The following CCNT2 variants were observed in gnomAD, a reference collection of about 807,000 sequenced individuals.
CCNT2 encodes the protein cyclin T2, also known as cyclin-T2.
A neutral mutation model predicts 70.0 loss-of-function variants in CCNT2; 18 were observed. That is an observed-to-expected ratio of 0.26 (90% CI 0.18 to 0.38). The LOEUF (loss-of-function observed/expected upper bound fraction) is 0.38, where lower values mean the gene tolerates loss of function less well. Ranked by LOEUF, CCNT2 falls within the 10% of genes least tolerant of loss-of-function variation. The pLI, the probability that CCNT2 is intolerant of heterozygous loss-of-function variation, is 1.00. For synonymous variants in CCNT2, 334 were observed against 313.3 expected, an observed-to-expected ratio of 1.07 and a Z score of -0.70; for missense variants, 734 against 890.2, an observed-to-expected ratio of 0.82 and a Z score of 2.23.
chr2:134,925,859 C>CTTTTTTTT (rs3041372), intron 2 of CCNT2, among the ~76,000 whole-genome samples: 7 of 85,258 alleles, frequency 8.2e-5, no homozygotes, highest in Non-Finnish European at 1.3e-4. Flanking sequence ...GGATAGCTGC[C>CTTTTTTTT]TTTTTTTTTT....
At chr2:134,942,473 G>C in intron 4 of CCNT2, 139 bp from the exon 5 acceptor site, 1 of 435,770 alleles carries the variant, frequency 2.3e-6, no homozygotes, top group Non-Finnish European at 4.0e-6. Flanking sequence ...CATTGGAAAA[G>C]TAATGAGAAT....
intron 2 of CCNT2, among the ~76,000 whole-genome samples, chr2:134,925,044 C>CT (rs1425211852): frequency 6.6e-6 from 1 of 152,162 alleles, no homozygotes; most frequent in Non-Finnish European, 1.5e-5. Context: ...GATCCAGAAA[C>CT]TTAATCAGAC....
At position 134,958,503 on chromosome 2, in the gene CCNT2, T is replaced by C. The variant is rs1240725814; in HGVS notation, c.*3855T>C. The C allele has an allele frequency of 6.6e-6, 1 of 152,136 alleles. No individual in the cohort carries two copies. Among genetic ancestry groups the C allele is most frequent in the African/African-American group, 2.4e-5 (1 of 41,426 alleles). 9.4% of individuals were successfully genotyped at this position (152,136 alleles called of 1,614,324 possible). A position where few individuals can be genotyped will look rare whatever the true frequency, so the allele number is the denominator to read the frequency against. ...TCTCATGTGCCCTAAGATGGACTTATTTAGATAGGGATTTTTGCATTGGAA... is the reference window on the plus strand; with the variant it reads ...TCTCATGTGCCCTAAGATGGACTTACTTAGATAGGGATTTTTGCATTGGAA... On this transcript the variant is annotated 3_prime_UTR_variant, in exon 9 of 9. Transcript: ENST00000264157.
intron 6 of CCNT2, among the ~76,000 whole-genome samples, chr2:134,947,069 G>A (rs1682034948): frequency 6.6e-6 from 1 of 152,196 alleles, no homozygotes; most frequent in Non-Finnish European, 1.5e-5. Flanking sequence ...GATTAGAAAA[G>A]GCTAGCTGTG....
chr2:134,928,774 C>T (rs550231759), intron 2 of CCNT2, among the ~76,000 whole-genome samples: 4 of 151,422 alleles, frequency 2.6e-5, no homozygotes, highest in South Asian at 2.1e-4. Flanking sequence ...GGCCAAAAAT[C>T]GGAAGATAAT....
At chr2:134,919,671 G>A (rs1679725375) in intron 1 of CCNT2, 139 bp from the exon 2 acceptor site, 2 of 614,310 alleles carry the variant, frequency 3.3e-6, no homozygotes, top group East Asian at 3.0e-5. Flanking sequence ...CCCCCCGCGG[G>A]CATTTATTTC....
At position 134,959,310 on chromosome 2, in the gene CCNT2, A is replaced by G. The variant is rs1343993810; in HGVS notation, c.*4662A>G. ...TGACTTTAAGCTTCTTATCCATACAAGGAACTAATAAAATGTTTATTGACA... is the reference window on the plus strand; with the variant it reads ...TGACTTTAAGCTTCTTATCCATACAGGGAACTAATAAAATGTTTATTGACA... On this transcript the variant is annotated 3_prime_UTR_variant, in exon 9 of 9. Transcript: ENST00000264157. The G allele has an allele frequency of 6.6e-6, 1 of 152,228 alleles. No homozygotes were observed. The highest frequency in any genetic ancestry group is 1.5e-5 in the Non-Finnish European group (1 of 68,042). 9.4% of individuals were successfully genotyped at this position (152,228 alleles called of 1,614,324 possible).
At chr2:134,950,342 T>A (rs1188826193) in intron 7 of CCNT2, among the ~76,000 whole-genome samples, 1 of 152,124 alleles carries the variant, frequency 6.6e-6, no homozygotes, top group Non-Finnish European at 1.5e-5. Context: ...GCAGCAGCTT[T>A]TTTTTCTGTG....
chr2:134,929,672 C>T (rs554432229), intron 2 of CCNT2, among the ~76,000 whole-genome samples: 33 of 109,002 alleles, frequency 3.0e-4, no homozygotes, highest in East Asian at 2.0e-3. Flanking sequence ...TTTTTTGAGA[C>T]GGAATCTTGC....
intron 2 of CCNT2, among the ~76,000 whole-genome samples, chr2:134,928,065 A>T (rs1428107580): frequency 6.6e-6 from 1 of 152,170 alleles, no homozygotes; most frequent in Admixed American, 6.5e-5. Context: ...GACAATATGC[A>T]GTTCAAGCAA....
intron 4 of CCNT2, among the ~76,000 whole-genome samples, chr2:134,941,310 T>G (rs549156314): frequency 3.9e-5 from 6 of 152,240 alleles, no homozygotes; most frequent in Non-Finnish European, 8.8e-5. Context: ...CCACTTCCAC[T>G]TAATACTAGT....
intron 3 of CCNT2, among the ~76,000 whole-genome samples, chr2:134,937,944 G>C (rs973980316): frequency 6.6e-6 from 1 of 152,110 alleles, no homozygotes; most frequent in African/African-American, 2.4e-5. Flanking sequence ...CTAGCATCCT[G>C]AGTTACTTAA....
At chr2:134,938,946 C>A in intron 3 of CCNT2, 56 bp from the exon 4 acceptor site, 1 of 1,071,080 alleles carries the variant, frequency 9.3e-7, no homozygotes, top group African/African-American at 1.6e-5. Flanking sequence ...AACAGTCATG[C>A]AGTCTAGTAA....
At chr2:134,931,262 C>CTGTTTTTTTTTTTTTTTTTTTTT (rs1680737036) in intron 2 of CCNT2, among the ~76,000 whole-genome samples, 2 of 42,418 alleles carry the variant, frequency 4.7e-5, no homozygotes, top group Admixed American at 4.3e-4. Flanking sequence ...ATGCCCGGAT[C>CTGTTTTTTTTTTTTTTTTTTTTT]TTTTTTTTTT....
chr2:134,935,400 C>T (rs1681074379), intron 2 of CCNT2, among the ~76,000 whole-genome samples: 1 of 152,212 alleles, frequency 6.6e-6, no homozygotes, highest in African/African-American at 2.4e-5. Flanking sequence ...AGGTCCTTTT[C>T]AGATCCTAAT....
chr2:134,948,902 A>T (rs527574239), intron 7 of CCNT2, among the ~76,000 whole-genome samples: 15 of 151,900 alleles, frequency 9.9e-5, no homozygotes, highest in African/African-American at 3.6e-4. Context: ...TTTAGTAGAG[A>T]TGGGGTTTCA....
intron 2 of CCNT2, among the ~76,000 whole-genome samples, chr2:134,933,951 T>C (rs897625642): frequency 6.6e-6 from 1 of 152,186 alleles, no homozygotes; most frequent in African/African-American, 2.4e-5. Flanking sequence ...GTAAATTGTC[T>C]AGGCTAGTCA....
chr2:134,943,570 T>C, intron 5 of CCNT2: 1 of 985,266 alleles, frequency 1.0e-6, no homozygotes, highest in Non-Finnish European at 1.2e-6. Flanking sequence ...GTGATGTGCC[T>C]GTTAAGCGTC....
rs762979994 is a variant in CCNT2, at chr2:134,954,102, C to T, written c.1647C>T (p.Ser549=). ...GCAGTGGGAAGAGCAAACATTCAAG[C>T]CCACATATTAGCAGAGACCATAAGG... The part of the protein sequence containing the change: ...DEGSGKSKHS[S]PHISRDHKEK... The change falls in exon 9 of 9, where the codon AGC becomes AGT. Residue 549 remains serine, a synonymous_variant. Transcript: ENST00000264157. 6.2e-7 allele frequency: 1 copy of T among 1,613,984 alleles called. No homozygotes were observed. Among genetic ancestry groups the T allele is most frequent in the African/African-American group, 1.3e-5 (1 of 74,880 alleles).
Sources: allele counts gnomAD v4.1 joint callset (sites outside exome capture counted in the v4.1 genomes callset), GRCh38; gene constraint gnomAD v4.1.1; transcripts MANE v1.5; gene names NCBI Gene and HGNC (gene_info 2026-07-23, HGNC 2026-07-21).